The following PACSIN2 variants were observed in gnomAD, a reference collection of about 807,000 sequenced individuals.
PACSIN2 encodes protein kinase C and casein kinase substrate in neurons protein 2.
Under a neutral mutation model 63.8 loss-of-function variants are expected in PACSIN2, and 25 were observed. That is an observed-to-expected ratio of 0.39 (90% CI 0.29 to 0.55). The LOEUF (loss-of-function observed/expected upper bound fraction) is 0.55. PACSIN2 is among the 20% of genes least tolerant of loss of function. The pLI is 0.62. For missense variants in PACSIN2, 518 were observed against 646.9 expected, an observed-to-expected ratio of 0.80 and a Z score of 2.16; for synonymous variants, 255 against 256.2, an observed-to-expected ratio of 1.00 and a Z score of 0.05.
At chr22:42,905,900 G>A (rs1931040946) in intron 2 of PACSIN2, among the ~76,000 whole-genome samples, 1 of 152,350 alleles carries the variant, frequency 6.6e-6, no homozygotes, top group Admixed American at 6.5e-5. Context: ...GAACACAGCA[G>A]GAGAGGCTCC....
intron 1 of PACSIN2, among the ~76,000 whole-genome samples, chr22:42,944,836 G>A (rs991889823): frequency 6.6e-5 from 10 of 152,152 alleles, no homozygotes; most frequent in African/African-American, 2.4e-4. Flanking sequence ...GGTGGCTCAC[G>A]CCTATAATCT....
At chr22:42,909,512 G>A (rs1315434084) in intron 2 of PACSIN2, 2 of 471,098 alleles carry the variant, frequency 4.2e-6, no homozygotes, top group Admixed American at 2.3e-5. Flanking sequence ...GCCACTCAAC[G>A]AACATCCGTC....
chr22:42,953,249 G>C (rs1222477196), intron 1 of PACSIN2, among the ~76,000 whole-genome samples: 1 of 151,840 alleles, frequency 6.6e-6, no homozygotes, highest in Non-Finnish European at 1.5e-5. Flanking sequence ...AAAATATCTA[G>C]GATAACCACT....
chr22:42,994,812 G>A (rs947134254), intron 1 of PACSIN2, among the ~76,000 whole-genome samples: 4 of 152,184 alleles, frequency 2.6e-5, no homozygotes, highest in African/African-American at 9.6e-5. Flanking sequence ...GCTGCGGGGA[G>A]CACCCTAGCA....
chr22:42,919,150 G>A (rs1419484943), intron 1 of PACSIN2, among the ~76,000 whole-genome samples: 1 of 152,142 alleles, frequency 6.6e-6, no homozygotes, highest in African/African-American at 2.4e-5. Context: ...ATAATTAATT[G>A]GGGGCTTCTC....
In PACSIN2 at chr22:42,955,414, C is replaced by T. The variant is rs79721418; in HGVS notation, c.-77-43257G>A. 4.9e-3 allele frequency among the ~76,000 whole-genome samples: 749 copies of T among 152,198 alleles called. 10 individuals are homozygous for T. The highest frequency in any genetic ancestry group is 7.0e-3 in the Non-Finnish European group (477 of 68,004). ...CGGATGGCTGGAAATAAGCCCAGAG[C>T]TCACTCAGGTGCCTGCATGTCTACC... On this transcript the variant is annotated intron_variant, in intron 1 of 10. Transcript: ENST00000263246.
chr22:42,974,183 C>T (rs1165516398), intron 1 of PACSIN2, among the ~76,000 whole-genome samples: 1 of 152,196 alleles, frequency 6.6e-6, no homozygotes, highest in East Asian at 1.9e-4. Context: ...GTCGACTCTG[C>T]TTCCGGTTAT....
chr22:43,009,714 A>C (rs898362930), intron 1 of PACSIN2, among the ~76,000 whole-genome samples: 4 of 152,140 alleles, frequency 2.6e-5, no homozygotes, highest in Admixed American at 6.5e-5. Flanking sequence ...GAGGAAAAAT[A>C]ATCATATAAA....
chr22:43,004,644 G>A (rs889981071), intron 1 of PACSIN2, among the ~76,000 whole-genome samples: 1 of 152,208 alleles, frequency 6.6e-6, no homozygotes, highest in African/African-American at 2.4e-5. Flanking sequence ...TATAATGAAA[G>A]ACAAATGCAG....
intron 1 of PACSIN2, among the ~76,000 whole-genome samples, chr22:42,976,462 C>CTGGGGGTTCACG (rs56276598): frequency 0.2 from 29,881 of 151,968 alleles, 4,439 homozygotes; most frequent in East Asian, 0.69. Context: ...ACAGGATCAT[C>CTGGGGGTTCACG]GATTTGAGGC....
In PACSIN2 at chr22:42,930,114, G is replaced by A. The variant is rs191476837; in HGVS notation, c.-77-17957C>T. Among the ~76,000 whole-genome samples, 407 of 152,352 alleles carry A rather than the reference G, an allele frequency of 2.7e-3. 1 individual carries two copies. Among genetic ancestry groups the A allele is most frequent in the Admixed American group, 4.1e-3 (63 of 15,306 alleles). On this transcript the variant is annotated intron_variant, in intron 1 of 10. Coordinates refer to ENST00000263246, the MANE Select transcript of PACSIN2 (RefSeq NM_001184970.3). ...ATGCTTTTCTCATCGCGAACCATGAGGTGACTTGGGAACAGAGCCATGCAC... is the reference window on the plus strand; with the variant it reads ...ATGCTTTTCTCATCGCGAACCATGAAGTGACTTGGGAACAGAGCCATGCAC...
At chr22:42,875,790 C>A (rs1928568296) in intron 10 of PACSIN2, among the ~76,000 whole-genome samples, 1 of 121,542 alleles carries the variant, frequency 8.2e-6, no homozygotes, top group African/African-American at 2.9e-5. Context: ...CCTGCCTTGG[C>A]CTCCCAAAGG....
At chr22:42,940,074 G>A (rs562830870) in intron 1 of PACSIN2, among the ~76,000 whole-genome samples, 197 of 152,280 alleles carry the variant, frequency 1.3e-3, no homozygotes, top group African/African-American at 4.6e-3. Context: ...CTGCTGCAGG[G>A]AAGCTCCTCC....
At chr22:42,954,059 G>A (rs1933812669) in intron 1 of PACSIN2, among the ~76,000 whole-genome samples, 2 of 152,126 alleles carry the variant, frequency 1.3e-5, no homozygotes, top group South Asian at 2.1e-4. Flanking sequence ...TCAGGAGTTC[G>A]AAACCAGCCT....
At chr22:42,889,875 G>GA (rs1929775658) in intron 4 of PACSIN2, among the ~76,000 whole-genome samples, 1 of 151,130 alleles carries the variant, frequency 6.6e-6, no homozygotes, top group South Asian at 2.1e-4. Context: ...CTATGCAAGA[G>GA]AAAGAAAAAT....
chr22:42,939,984 G>C (rs913942695), intron 1 of PACSIN2, among the ~76,000 whole-genome samples: 6 of 152,262 alleles, frequency 3.9e-5, no homozygotes, highest in Middle Eastern at 3.4e-3. Flanking sequence ...ACTGAATGAA[G>C]GAAAATTCTA....
At chr22:42,918,872 G>C (rs1308806414) in intron 1 of PACSIN2, among the ~76,000 whole-genome samples, 4 of 152,052 alleles carry the variant, frequency 2.6e-5, no homozygotes, top group African/African-American at 9.7e-5. Context: ...CCATAAAAAT[G>C]AATCTGCTTG....
chr22:42,921,314 G>C (rs1163582991), intron 1 of PACSIN2, among the ~76,000 whole-genome samples: 1 of 150,892 alleles, frequency 6.6e-6, no homozygotes, highest in Non-Finnish European at 1.5e-5. Context: ...AGCCGAGATT[G>C]TGTCACTGTC....
rs145714915 is a variant in PACSIN2 at position 43,007,565 on chromosome 22, G to A, written c.-78+7456C>T. 2.7e-3 allele frequency among the ~76,000 whole-genome samples: 407 copies of A among 152,204 alleles called. 1 individual carries two copies. The highest frequency in any genetic ancestry group is 4.0e-3 in the Non-Finnish European group (273 of 68,010). On this transcript the variant is annotated intron_variant, in intron 1 of 10. Transcript: ENST00000263246. The stretch of plus-strand genomic sequence containing the variant: ...AGCTCTGCCCAGAATGGTCCTTCAC[G>A]TCAGCCCCACCTGGAGAGCACCTGT...
Sources: allele counts gnomAD v4.1 joint callset (sites outside exome capture counted in the v4.1 genomes callset), GRCh38; gene constraint gnomAD v4.1.1; transcripts MANE v1.5; gene names NCBI Gene and HGNC (gene_info 2026-07-23, HGNC 2026-07-21).